ARB2A: variants seen among roughly 807,000 people sequenced by gnomAD.
ARB2A encodes ARB2 cotranscriptional regulator A, also known as cotranscriptional regulator ARB2A.
the ARB2A span, among the ~76,000 whole-genome samples, chr5:93,660,099 TAATC>T: frequency 5.3e-5 from 8 of 152,288 alleles, no homozygotes; most frequent in East Asian, 1.3e-3. Flanking sequence ...TTTAAAAAGT[TAATC>T]AATAGTGTAC....
chr5:93,855,340 G>C, the ARB2A span, among the ~76,000 whole-genome samples: 1 of 151,948 alleles, frequency 6.6e-6, no homozygotes, highest in Non-Finnish European at 1.5e-5. Context: ...TTTATTTTGA[G>C]CCTATGTGTG....
the ARB2A span, among the ~76,000 whole-genome samples, chr5:93,842,070 A>G: frequency 1.3e-5 from 2 of 152,348 alleles, no homozygotes; most frequent in East Asian, 3.9e-4. Flanking sequence ...ACTACATGCA[A>G]TATGTTTCAA....
the ARB2A span, among the ~76,000 whole-genome samples, chr5:93,639,748 C>T: frequency 6.6e-6 from 1 of 152,162 alleles, no homozygotes; most frequent in African/African-American, 2.4e-5. Context: ...TAAAGTCCCA[C>T]TAAGAACTGA....
At chr5:93,823,053 T>C in the ARB2A span, among the ~76,000 whole-genome samples, 1 of 152,252 alleles carries the variant, frequency 6.6e-6, no homozygotes, top group African/African-American at 2.4e-5. Context: ...AACATAAAAA[T>C]TAGGCAATCA....
At chr5:93,799,188 T>C in the ARB2A span, among the ~76,000 whole-genome samples, 2 of 152,134 alleles carry the variant, frequency 1.3e-5, no homozygotes, top group Non-Finnish European at 2.9e-5. Flanking sequence ...AACATTGCAA[T>C]GAGCTTTCCC....
the ARB2A span, chr5:93,741,119 T>C: frequency 3.1e-6 from 5 of 1,613,734 alleles, no homozygotes; most frequent in Non-Finnish European, 3.4e-6. Context: ...CCCACAGCGA[T>C]CCCCACATCG....
chr5:93,778,215 A>C, the ARB2A span, among the ~76,000 whole-genome samples: 3 of 152,348 alleles, frequency 2.0e-5, no homozygotes, highest in East Asian at 3.9e-4. Flanking sequence ...ACACAATGTA[A>C]GAGTAGAAAC....
the ARB2A span, among the ~76,000 whole-genome samples, chr5:93,696,760 C>CT: frequency 1.3e-5 from 2 of 152,026 alleles, no homozygotes; most frequent in Non-Finnish European, 2.9e-5. Context: ...ACATTACTGT[C>CT]TTTTTTAAAA....
chr5:93,813,215 A>T, the ARB2A span, among the ~76,000 whole-genome samples: 4 of 152,240 alleles, frequency 2.6e-5, no homozygotes, highest in African/African-American at 7.2e-5. Flanking sequence ...GATGAAAATG[A>T]GAAACATGTT....
At chr5:93,688,221 G>A in the ARB2A span, among the ~76,000 whole-genome samples, 1 of 152,162 alleles carries the variant, frequency 6.6e-6, no homozygotes, top group Non-Finnish European at 1.5e-5. Flanking sequence ...TGATCCACCT[G>A]CCTCGGCCTC....
At chr5:93,805,795 A>G in the ARB2A span, 1 of 985,026 alleles carries the variant, frequency 1.0e-6, no homozygotes, top group Non-Finnish European at 1.2e-6. Context: ...TCAGTCCTAT[A>G]AACGGTTTTC....
the ARB2A span, chr5:93,958,846 A>G: frequency 6.2e-7 from 1 of 1,607,300 alleles, no homozygotes. Flanking sequence ...TAAGTCTTCT[A>G]GCCCACTGCC....
At chr5:93,744,297 T>A in the ARB2A span, among the ~76,000 whole-genome samples, 1 of 151,602 alleles carries the variant, frequency 6.6e-6, no homozygotes, top group South Asian at 2.1e-4. Flanking sequence ...CAGCCAGGCA[T>A]GGTGGCGCGG....
At chr5:94,062,416 A>C in the ARB2A span, among the ~76,000 whole-genome samples, 1 of 152,128 alleles carries the variant, frequency 6.6e-6, no homozygotes, top group Non-Finnish European at 1.5e-5. Context: ...AGTGACAAGA[A>C]ACACCCAAAA....
the ARB2A span, chr5:93,741,345 C>T: frequency 6.2e-7 from 1 of 1,611,636 alleles, no homozygotes; most frequent in Non-Finnish European, 8.5e-7. Flanking sequence ...CTATCCAGCC[C>T]CGGAATTCGT....
At chr5:93,747,450 A>G in the ARB2A span, among the ~76,000 whole-genome samples, 2 of 152,118 alleles carry the variant, frequency 1.3e-5, no homozygotes, top group African/African-American at 4.8e-5. Flanking sequence ...TGCAGCAATG[A>G]CCATGGAAAA....
the ARB2A span, among the ~76,000 whole-genome samples, chr5:93,653,964 CAGAT>C: frequency 2.0e-5 from 3 of 152,194 alleles, no homozygotes; most frequent in South Asian, 2.1e-4. Context: ...ATGACTGACT[CAGAT>C]AGGGGCTCCT....
chr5:93,899,707 G>A, the ARB2A span, among the ~76,000 whole-genome samples: 4 of 152,116 alleles, frequency 2.6e-5, no homozygotes, highest in Non-Finnish European at 5.9e-5. Flanking sequence ...CTATTGATGG[G>A]TGATTAGGAT....
the ARB2A span, among the ~76,000 whole-genome samples, chr5:94,002,875 AAGCGG>A: frequency 6.6e-6 from 1 of 152,114 alleles, no homozygotes; most frequent in Non-Finnish European, 1.5e-5. Context: ...TACACTCATA[AAGCGG>A]GTAGATAAGA....
Sources: gnomAD v4.1 joint callset for allele counts (sites outside exome capture counted in the v4.1 genomes callset) on GRCh38, gnomAD v4.1.1 for gene constraint, MANE v1.5 for transcripts, NCBI Gene and HGNC (gene_info 2026-07-23, HGNC 2026-07-21) for gene names.